Variants in MAF observed in about 807,000 individuals in gnomAD.
The protein encoded by MAF is MAF bZIP transcription factor, also known as transcription factor Maf.
A neutral mutation model predicts 22.0 loss-of-function variants in MAF; 10 were observed. That is an observed-to-expected ratio of 0.45 (90% CI 0.28 to 0.77). MAF has a LOEUF of 0.77. MAF is among the 30% of genes least tolerant of loss of function. MAF has a pLI of 0.12. For missense variants in MAF, 544 were observed against 548.4 expected (o/e 0.99, Z 0.08); for synonymous variants, 337 against 255.8 (o/e 1.32, Z -3.03).
the MAF span, among the ~76,000 whole-genome samples, chr16:79,228,872 GACT>G: frequency 6.6e-6 from 1 of 151,864 alleles, no homozygotes; most frequent in South Asian, 2.1e-4. Flanking sequence ...CATGTACATA[GACT>G]ACAGTGAGAA....
chr16:79,260,909 C>T, the MAF span, among the ~76,000 whole-genome samples: 3 of 152,036 alleles, frequency 2.0e-5, no homozygotes, highest in Non-Finnish European at 4.4e-5. Flanking sequence ...GAAAATAGCA[C>T]ACCCAAGACA....
intron 1 of MAF, chr16:79,595,351 G>C: frequency 9.5e-7 from 1 of 1,051,232 alleles, no homozygotes; most frequent in East Asian, 5.4e-5. Flanking sequence ...CCAGAACTTA[G>C]CAGCACCAAA....
At chr16:79,291,813 C>T in the MAF span, among the ~76,000 whole-genome samples, 1 of 147,906 alleles carries the variant, frequency 6.8e-6, no homozygotes, top group East Asian at 2.0e-4. Context: ...ATTAGGTTTA[C>T]AATGGGAACA....
chr16:79,217,421 G>C, the MAF span, among the ~76,000 whole-genome samples: 2 of 152,208 alleles, frequency 1.3e-5, no homozygotes, highest in African/African-American at 4.8e-5. Flanking sequence ...ATTTAAGAAT[G>C]AGCTCTGGCT....
the MAF span, among the ~76,000 whole-genome samples, chr16:79,472,386 C>G: frequency 6.6e-6 from 1 of 152,140 alleles, no homozygotes; most frequent in Non-Finnish European, 1.5e-5. Flanking sequence ...CCATCAACTA[C>G]TAAAGGGATA....
chr16:79,578,519 C>T, the MAF span, among the ~76,000 whole-genome samples: 1 of 151,994 alleles, frequency 6.6e-6, no homozygotes, highest in African/African-American at 2.4e-5. Flanking sequence ...TAGCTCTATT[C>T]ATTTCTCATA....
At chr16:79,540,821 A>T in the MAF span, among the ~76,000 whole-genome samples, 1 of 152,144 alleles carries the variant, frequency 6.6e-6, no homozygotes, top group African/African-American at 2.4e-5. Context: ...TATTTGGGAA[A>T]AGTAAAGGAG....
the MAF span, among the ~76,000 whole-genome samples, chr16:79,407,924 G>A: frequency 1.1e-4 from 16 of 152,028 alleles, no homozygotes; most frequent in South Asian, 1.7e-3. Context: ...GGAAAGGGGC[G>A]GGTTATTTCA....
At chr16:79,383,539 C>G in the MAF span, among the ~76,000 whole-genome samples, 1 of 152,140 alleles carries the variant, frequency 6.6e-6, no homozygotes, top group African/African-American at 2.4e-5. Flanking sequence ...CAAGAAAATG[C>G]AAGGATGCAA....
the MAF span, among the ~76,000 whole-genome samples, chr16:79,319,062 T>TG: frequency 6.6e-6 from 1 of 152,224 alleles, no homozygotes; most frequent in South Asian, 2.1e-4. Context: ...ATCACAGATT[T>TG]TTTTTTCTCC....
At chr16:79,375,551 G>A in the MAF span, among the ~76,000 whole-genome samples, 1 of 152,074 alleles carries the variant, frequency 6.6e-6, no homozygotes, top group South Asian at 2.1e-4. Flanking sequence ...AGATGATGAT[G>A]ACTGTGACAA....
At chr16:79,513,191 T>C in the MAF span, among the ~76,000 whole-genome samples, 1 of 152,246 alleles carries the variant, frequency 6.6e-6, no homozygotes, top group Non-Finnish European at 1.5e-5. Flanking sequence ...CGACAGCCCC[T>C]TGCTCCAGGC....
chr16:79,433,968 C>T, the MAF span, among the ~76,000 whole-genome samples: 2 of 152,158 alleles, frequency 1.3e-5, no homozygotes, highest in South Asian at 4.1e-4. Flanking sequence ...TCTTCTTCTA[C>T]CAGGCCCCAC....
the MAF span, among the ~76,000 whole-genome samples, chr16:79,213,453 C>T: frequency 6.6e-6 from 1 of 151,296 alleles, no homozygotes; most frequent in Admixed American, 6.6e-5. Context: ...TTTGCAAAAG[C>T]AGCCGTCAGA....
downstream of MAF, among the ~76,000 whole-genome samples, chr16:79,590,760 C>T (rs1469386144): frequency 6.6e-6 from 1 of 152,000 alleles, no homozygotes; most frequent in African/African-American, 2.4e-5. Flanking sequence ...AGGTCATAAG[C>T]CAAGGTTGGC....
chr16:79,218,771 G>T, the MAF span, among the ~76,000 whole-genome samples: 1 of 152,158 alleles, frequency 6.6e-6, no homozygotes, highest in African/African-American at 2.4e-5. Context: ...TCTACATTCA[G>T]TTTGGGCAGA....
At chr16:79,333,161 G>A in the MAF span, among the ~76,000 whole-genome samples, 1 of 152,146 alleles carries the variant, frequency 6.6e-6, no homozygotes, top group African/African-American at 2.4e-5. Flanking sequence ...GGGTGATGGC[G>A]GTCCTGGCTC....
chr16:79,305,770 G>C, the MAF span, among the ~76,000 whole-genome samples: 3 of 152,206 alleles, frequency 2.0e-5, no homozygotes, highest in African/African-American at 4.8e-5. Context: ...AGGTCAATGG[G>C]GGATGCACAG....
chr16:79,400,843 G>A, the MAF span, among the ~76,000 whole-genome samples: 2 of 152,370 alleles, frequency 1.3e-5, no homozygotes, highest in East Asian at 3.9e-4. Flanking sequence ...GGGAATGAAT[G>A]TTGAGAAATG....
Sources: gnomAD v4.1 joint callset for allele counts (sites outside exome capture counted in the v4.1 genomes callset) on GRCh38, gnomAD v4.1.1 for gene constraint, MANE v1.5 for transcripts, NCBI Gene and HGNC (gene_info 2026-07-23, HGNC 2026-07-21) for gene names.